Variants in USP11 observed in about 807,000 individuals in gnomAD.
The protein encoded by USP11 is ubiquitin carboxyl-terminal hydrolase 11.
A neutral mutation model predicts 72.8 loss-of-function variants in USP11; 5 were observed. That is an observed-to-expected ratio of 0.07 (90% CI 0.04 to 0.14). The LOEUF (loss-of-function observed/expected upper bound fraction) is 0.14, where lower values mean the gene tolerates loss of function less well. Among genes scored for constraint, USP11 ranks in the 10% least tolerant of loss-of-function variants. The pLI is 1.00. For missense variants in USP11, 480 were observed against 794.7 expected, an observed-to-expected ratio of 0.60 and a Z score of 4.76; for synonymous variants, 368 against 326.5, an observed-to-expected ratio of 1.13 and a Z score of -1.37.
intron 1 of USP11, among the ~76,000 whole-genome samples, chrX:47,237,361 A>C (rs1172488531): frequency 9.0e-6 from 1 of 110,859 alleles, no homozygotes; most frequent in Non-Finnish European, 1.9e-5. Context: ...TGCAGCAAAA[A>C]AACAAAACCA....
intron 7 of USP11, 85 bp downstream of exon 7, chrX:47,240,961 G>A (rs1363227270): frequency 3.2e-6 from 3 of 937,630 alleles, no homozygotes; most frequent in African/African-American, 3.9e-5. Flanking sequence ...GGGTCCTGAG[G>A]GGACTACAGG....
In USP11 at chrX:47,241,407, C is replaced by T. The variant is rs2055402211; in HGVS notation, c.977C>T (p.Ala326Val). Residue 326 changes from alanine to valine, a missense_variant, in exon 8 of 21, where the codon GCG becomes GTG. By Grantham distance (64) the Ala-to-Val change is moderately conservative (BLOSUM62 0). Coordinates refer to ENST00000377107, the MANE Select transcript of USP11 (RefSeq NM_001371072.1). ...AEAYADLVKQ[A>V]WSGHHRSIVP... ...GCCTATGCAGACCTGGTGAAGCAGG[C>T]GTGGTCTGGCCACCACCGCTCCATT... 3 of 1,210,103 alleles carry T rather than the reference C, an allele frequency of 2.5e-6. No homozygotes were observed. Among genetic ancestry groups the T allele is most frequent in the Non-Finnish European group, 3.4e-6 (3 of 894,755 alleles).
chrX:47,241,683 C>T lies in USP11; in HGVS notation c.1163C>T (p.Ala388Val), dbSNP rs202046049. The T allele has an allele frequency of 2.5e-6, 3 of 1,193,485 alleles. No homozygotes were observed. The highest frequency in any genetic ancestry group is 6.0e-5 in the East Asian group (2 of 33,529). The change falls in exon 9 of 21, where the codon GCT becomes GTT. Residue 388 changes from alanine to valine, a missense_variant. Ala to Val is a moderately conservative substitution (Grantham distance 64, BLOSUM62 0). Coordinates refer to ENST00000377107, the MANE Select transcript of USP11 (RefSeq NM_001371072.1). ...GAGTATGTGGAGCTGTGCGATGCTG[C>T]TGGGCGACCGGATCAGGTAGGCTGC... is the stretch of plus-strand genomic sequence containing the variant. The part of the protein sequence containing the change: ...KKEYVELCDA[A>V]GRPDQEVAQE...
At chrX:47,235,326 C>T (rs975985786) in intron 1 of USP11, among the ~76,000 whole-genome samples, 3 of 112,276 alleles carry the variant, frequency 2.7e-5, no homozygotes, top group South Asian at 3.7e-4. Context: ...TCGGGTAATA[C>T]ATGGTATCCA....
In USP11 at chrX:47,238,067, G is replaced by C. The variant is rs758987774; in HGVS notation, c.177-1003G>C. On this transcript the variant is annotated intron_variant, in intron 1 of 20. Coordinates refer to ENST00000377107, the MANE Select transcript of USP11 (RefSeq NM_001371072.1). ...ACTGTATACTGAAAAATGCTTGATGGTAAGTTTTATGTTACATGTTTTTAT... is the reference window on the plus strand; with the variant it reads ...ACTGTATACTGAAAAATGCTTGATGCTAAGTTTTATGTTACATGTTTTTAT... Among the ~76,000 whole-genome samples the C allele has an allele frequency of 4.1e-3, 455 of 111,260 alleles. 1 individual carries two copies. Among genetic ancestry groups the C allele is most frequent in the African/African-American group, 0.014 (417 of 30,603 alleles).
Position 47,247,594 on chromosome X carries a change from C to T in USP11, c.2537-17C>T, listed in dbSNP as rs752364571. ...AGGCAGGAAGGGTAGGCGAGGATAA[C>T]TCTCCTTCCCTTTCAGACACAACAT... is the stretch of plus-strand genomic sequence containing the variant. On this transcript the variant is annotated splice_polypyrimidine_tract_variant and intron_variant, in intron 19 of 20. Coordinates refer to ENST00000377107, the MANE Select transcript of USP11 (RefSeq NM_001371072.1). 8.3e-7 allele frequency: 1 copy of T among 1,209,815 alleles called. No homozygotes were observed. Among genetic ancestry groups the T allele is most frequent in the Non-Finnish European group, 1.1e-6 (1 of 894,151 alleles).
In USP11 at chrX:47,243,510, C is replaced by G; in HGVS notation, c.1698C>G (p.Gly566=). The change falls in exon 13 of 21, where the codon GGC becomes GGG. Residue 566 remains glycine (G), a synonymous_variant. Transcript: ENST00000377107. ...PARDYNNSYY[G]LMLFGHPLLV... ...GTGACTACAACAACTCCTACTACGG[C>G]CTGATGCTTTTTGGACACCCCCTCC... is the stretch of plus-strand genomic sequence containing the variant. 1 of 1,211,830 alleles carries G rather than the reference C, an allele frequency of 8.3e-7. No individual in the cohort carries two copies. The highest frequency in any genetic ancestry group is 1.1e-6 in the Non-Finnish European group (1 of 895,527).
rs767470264 is a variant in USP11 at position 47,240,631 on chromosome X, C to T, written c.726C>T (p.Ser242=). ...ETRKKDGTWP[S]AQLHVMNNNM... ...GCAAGAAAGATGGCACTTGGCCCAGCGCACAGCTGCATGTCATGTGAGCCC... is the reference window on the plus strand; with the variant it reads ...GCAAGAAAGATGGCACTTGGCCCAGTGCACAGCTGCATGTCATGTGAGCCC... The change falls in exon 6 of 21, where the codon AGC becomes AGT. Residue 242 remains serine (S), a synonymous_variant. Coordinates refer to ENST00000377107, the MANE Select transcript of USP11 (RefSeq NM_001371072.1). 145 of 1,210,491 alleles carry T rather than the reference C, an allele frequency of 1.2e-4. No homozygotes were observed. The highest frequency in any genetic ancestry group is 1.4e-4 in the South Asian group (8 of 56,849).
chrX:47,244,112 T>C (rs913224350), intron 13 of USP11, among the ~76,000 whole-genome samples: 4 of 105,756 alleles, frequency 3.8e-5, no homozygotes, highest in Non-Finnish European at 5.9e-5. Context: ...TTTTTTTTTT[T>C]TTTTGAGATG....
Position 47,240,778 on chromosome X carries a change from A to G in USP11, c.748A>G (p.Asn250Asp), listed in dbSNP as rs1438198197. The G allele has an allele frequency of 2.5e-6, 3 of 1,211,881 alleles. No homozygotes were observed. The highest frequency in any genetic ancestry group is 2.2e-6 in the Non-Finnish European group (2 of 895,400). ...WPSAQLHVMNNNMSEEDEDFK... is the reference protein window; with the variant it reads ...WPSAQLHVMNDNMSEEDEDFK... ...CAGTTTCTCATCTAACCCCAGGAAC[A>G]ACAACATGTCGGAAGAGGATGAGGA... The change falls in exon 7 of 21, where the codon AAC (asparagine) becomes GAC (aspartate). Residue 250 changes from asparagine (N) to aspartate (D), a missense_variant. Physicochemically the swap from Asn to Asp is conservative, Grantham distance 23. This residue lies in a region of USP11 where 80 missense variants were observed against 100.9 expected (regional missense o/e 0.79). Coordinates refer to ENST00000377107, the MANE Select transcript of USP11 (RefSeq NM_001371072.1).
rs1340075519 is a variant in USP11, at chrX:47,245,583, A to G, written c.2270+101A>G. The G allele has an allele frequency of 7.6e-6, 4 of 528,657 alleles. No homozygotes were observed. The Admixed American group carries it at 1.2e-4, about 15-fold the overall frequency. 43.6% of individuals were successfully genotyped at this position (528,657 alleles called of 1,213,427 possible). On this transcript the variant is annotated intron_variant, in intron 17 of 20. Transcript: ENST00000377107. ...TTTTGAGACAGAGTCTGGCTCTGTC[A>G]ACCCAGGCTGAAGTGCAGTGGTACA...
Position 47,244,776 on chromosome X carries a change from A to G in USP11, c.1938A>G (p.Gly646=). The change falls in exon 15 of 21, where the codon GGA becomes GGG. Residue 646 remains glycine, a synonymous_variant. Coordinates refer to ENST00000377107, the MANE Select transcript of USP11 (RefSeq NM_001371072.1). ...PEPEQAGPSS[G]VTNRCPFLLD... ...CAGAGCAGGCTGGGCCCAGCTCTGG[A>G]GTCACGAACAGGTGCCCGTTCCTCC... 1.7e-6 allele frequency: 2 copies of G among 1,208,458 alleles called. No individual in the cohort carries two copies. Among genetic ancestry groups the G allele is most frequent in the Non-Finnish European group, 2.2e-6 (2 of 894,597 alleles).
rs753582181 is a variant in USP11 at position 47,242,160 on chromosome X, A to G, written c.1258A>G (p.Lys420Glu). The G allele has an allele frequency of 8.3e-7, 1 of 1,211,363 alleles. No individual in the cohort carries two copies. ...VIVDTFHGLF[K>E]STLVCPDCGN... ...CGTGGACACTTTCCACGGCCTCTTC[A>G]AGTCCACGCTGGTGTGCCCCGATTG... The change falls in exon 10 of 21, where the codon AAG (lysine) becomes GAG (glutamate). Residue 420 changes from lysine (K) to glutamate (E), a missense_variant. Coordinates refer to ENST00000377107, the MANE Select transcript of USP11 (RefSeq NM_001371072.1).
chrX:47,237,827 T>TGTGTGTG (rs2055381365), intron 1 of USP11, among the ~76,000 whole-genome samples: 2 of 102,193 alleles, frequency 2.0e-5, no homozygotes, highest in African/African-American at 7.3e-5. Flanking sequence ...TGTGTGTGTG[T>TGTGTGTG]TTAGGCAGGA....
intron 1 of USP11, chrX:47,233,616 CCGGGG>C: frequency 1.3e-6 from 1 of 741,291 alleles, no homozygotes; most frequent in Non-Finnish European, 1.6e-6. Flanking sequence ...TCCGATTGCT[CCGGGG>C]CGGCTGGGAA....
intron 17 of USP11, among the ~76,000 whole-genome samples, chrX:47,246,711 CAGTA>C (rs746550640): frequency 1.0e-4 from 11 of 110,347 alleles, no homozygotes; most frequent in Non-Finnish European, 1.7e-4. Context: ...AAAGGGCGCA[CAGTA>C]GGTGCTCAGA....
At position 47,247,945 on chromosome X, in the gene USP11, GCCA is replaced by G; in HGVS notation, c.*17_*19del. The stretch of plus-strand genomic sequence containing the variant: ...ATGTTAATTGAGAGCCCTGGGTCCT[GCCA>G]CAGAAAAAAAAAAAAAAAAGCCCTC... On this transcript the variant is annotated 3_prime_UTR_variant, in exon 21 of 21. Coordinates refer to ENST00000377107, the MANE Select transcript of USP11 (RefSeq NM_001371072.1). 1 of 1,117,470 alleles carries G rather than the reference GCCA, an allele frequency of 8.9e-7. No homozygotes were observed. 92.1% of individuals were successfully genotyped at this position (1,117,470 alleles called of 1,213,427 possible). A position where few individuals can be genotyped will look rare whatever the true frequency, so the allele number is the denominator to read the frequency against.
At chrX:47,247,020 C>CA (rs375265625) in intron 17 of USP11, 52 bp from the exon 18 acceptor site, 57,502 of 813,226 alleles carry the variant, frequency 0.071, no homozygotes, top group Non-Finnish European at 0.077. Flanking sequence ...TTCTCTGTCT[C>CA]AAAAAAAAAA....
rs2055447884 is a variant in USP11, at chrX:47,248,228, G to C, written c.*298G>C. On this transcript the variant is annotated 3_prime_UTR_variant, in exon 21 of 21. Coordinates refer to ENST00000377107, the MANE Select transcript of USP11 (RefSeq NM_001371072.1). Reference sequence around the variant, plus strand: ...CCTCAGCCCAGAGTGTTCTGCGTGGGTGGTGATGGGGGTTCACCTGAACAC... The same window carrying C: ...CCTCAGCCCAGAGTGTTCTGCGTGGCTGGTGATGGGGGTTCACCTGAACAC... 6.6e-6 allele frequency: 2 copies of C among 304,574 alleles called. No individual in the cohort carries two copies. Among genetic ancestry groups the C allele is most frequent in the African/African-American group, 2.8e-5 (1 of 36,171 alleles). 25.1% of individuals were successfully genotyped at this position (304,574 alleles called of 1,213,427 possible). A position where few individuals can be genotyped will look rare whatever the true frequency, so the allele number is the denominator to read the frequency against.
Sources: gnomAD v4.1 joint callset for allele counts (sites outside exome capture counted in the v4.1 genomes callset) on GRCh38, gnomAD v4.1.1 for gene constraint, gnomAD v4.1.1 regional missense constraint, MANE v1.5 for transcripts, NCBI Gene and HGNC (gene_info 2026-07-23, HGNC 2026-07-21) for gene names.